The following PNLIPRP3 variants were observed in gnomAD, a reference collection of about 807,000 sequenced individuals.
PNLIPRP3 encodes pancreatic lipase related protein 3.
A neutral mutation model predicts 52.8 loss-of-function variants in PNLIPRP3; 58 were observed. The ratio of observed to expected loss-of-function variants is 1.10; its 90% CI spans 0.89 to 1.37. PNLIPRP3 has a LOEUF of 1.37. Among genes scored for constraint, PNLIPRP3 ranks in the 40% most tolerant of loss-of-function variants. The pLI is 0.00. For missense variants in PNLIPRP3, 593 were observed against 561.6 expected, an observed-to-expected ratio of 1.06 and a Z score of -0.57; for synonymous variants, 192 against 185.0, an observed-to-expected ratio of 1.04 and a Z score of -0.31.
intron 1 of PNLIPRP3, among the ~76,000 whole-genome samples, chr10:116,436,459 C>T (rs549784023): frequency 5.3e-5 from 8 of 152,164 alleles, no homozygotes; most frequent in African/African-American, 1.9e-4. Context: ...AATATGACAA[C>T]AAAAGCACAG....
At chr10:116,465,167 C>T (rs532928046) in intron 7 of PNLIPRP3, among the ~76,000 whole-genome samples, 1 of 152,286 alleles carries the variant, frequency 6.6e-6, no homozygotes, top group South Asian at 2.1e-4. Context: ...GTGGCTTAGT[C>T]TGGGCTTTTT....
In PNLIPRP3 at chr10:116,476,526, A is replaced by T; in HGVS notation, c.1173-126A>T. On this transcript the variant is annotated intron_variant, in intron 10 of 11. Coordinates refer to ENST00000369230, the MANE Select transcript of PNLIPRP3 (RefSeq NM_001011709.3). ...CTGATCAATACACATGGAAAGAATA[A>T]ATCTCCTACAAGCAAATGCTAGCAA... The T allele has an allele frequency of 4.3e-6, 3 of 692,748 alleles. No individual in the cohort carries two copies. In the East Asian group the frequency reaches 9.1e-5, roughly 21 times the overall value. The allele number at this position is 692,748 out of a possible 1,614,324, so 42.9% of individuals were successfully genotyped here. A position where few individuals can be genotyped will look rare whatever the true frequency, so the allele number is the denominator to read the frequency against.
chr10:116,471,794 C>T lies in PNLIPRP3; in HGVS notation c.1087C>T (p.Leu363Phe). ...ARWRHKLSVK[L>F]SGSEVTQGTV... is the part of the protein sequence containing the mutation. ...TTGGAGGCACAAATTGTCTGTTAAA[C>T]TCAGTGGAAGCGAAGTCACTCAAGG... The change falls in exon 10 of 12, where the codon CTC becomes TTC. Residue 363 changes from leucine (L) to phenylalanine (F), a missense_variant. By Grantham distance (22) the Leu-to-Phe change is conservative (BLOSUM62 0). Coordinates refer to ENST00000369230, the MANE Select transcript of PNLIPRP3 (RefSeq NM_001011709.3). The T allele has an allele frequency of 6.2e-7, 1 of 1,611,466 alleles. No homozygotes were observed. The highest frequency in any genetic ancestry group is 8.5e-7 in the Non-Finnish European group (1 of 1,178,102).
chr10:116,476,748 T>C lies in PNLIPRP3; in HGVS notation c.1269T>C (p.His423=), dbSNP rs778267393. The C allele has an allele frequency of 3.6e-5, 58 of 1,610,086 alleles. No individual in the cohort carries two copies. Among genetic ancestry groups the C allele is most frequent in the Middle Eastern group, 3.3e-4 (2 of 6,072 alleles). The change falls in exon 11 of 12, where the codon CAT becomes CAC. Residue 423 remains histidine, a synonymous_variant. Coordinates refer to ENST00000369230, the MANE Select transcript of PNLIPRP3 (RefSeq NM_001011709.3). ...GTGTTCAGTTCATCTGGAAAAAACA[T>C]TTGTTTGAAGATTCTCAGAATAAGT... The part of the protein sequence containing the change: ...ITSVQFIWKK[H]LFEDSQNKLG...
rs1845658722 is a variant in PNLIPRP3, at chr10:116,427,860, A to G, written c.-153A>G. On this transcript the variant is annotated 5_prime_UTR_variant, in exon 1 of 12. Coordinates refer to ENST00000369230, the MANE Select transcript of PNLIPRP3 (RefSeq NM_001011709.3). The stretch of plus-strand genomic sequence containing the variant: ...CCCGATAATTTTATTTACTTTGCAG[A>G]GCATAAGGTGGAATAACATGTTCTT... The G allele has an allele frequency of 4.9e-6, 3 of 611,340 alleles. No individual in the cohort carries two copies. In the South Asian group the frequency reaches 6.1e-5, roughly 13 times the overall value. 37.9% of individuals were successfully genotyped at this position (611,340 alleles called of 1,614,324 possible).
chr10:116,464,594 G>A (rs1289857406), intron 7 of PNLIPRP3, among the ~76,000 whole-genome samples: 6 of 152,188 alleles, frequency 3.9e-5, no homozygotes. Context: ...GCTGTGGCTG[G>A]ACCAGGCATA....
At chr10:116,452,661 G>C (rs903655361) in intron 4 of PNLIPRP3, among the ~76,000 whole-genome samples, 1 of 152,208 alleles carries the variant, frequency 6.6e-6, no homozygotes, top group Non-Finnish European at 1.5e-5. Flanking sequence ...TCAGCAACTA[G>C]GGCCCCAGAT....
intron 10 of PNLIPRP3, among the ~76,000 whole-genome samples, chr10:116,472,083 A>G (rs1256654489): frequency 6.6e-6 from 1 of 152,218 alleles, no homozygotes; most frequent in Non-Finnish European, 1.5e-5. Flanking sequence ...TTCCAACTAG[A>G]AACAGAAAAT....
At chr10:116,440,897 C>A (rs548142596) in intron 2 of PNLIPRP3, among the ~76,000 whole-genome samples, 8 of 152,212 alleles carry the variant, frequency 5.3e-5, no homozygotes, top group African/African-American at 1.7e-4. Context: ...GAGATGATAT[C>A]ACTGGAAATG....
intron 1 of PNLIPRP3, 152 bp downstream of exon 1, chr10:116,428,213 G>A (rs1384626635): frequency 3.4e-6 from 2 of 592,700 alleles, no homozygotes; most frequent in Non-Finnish European, 2.9e-6. Flanking sequence ...TAAAATATTG[G>A]CTGCTTATAT....
chr10:116,461,291 G>A lies in PNLIPRP3; in HGVS notation c.808+1G>A, dbSNP rs1304802195. 6.2e-7 allele frequency: 1 copy of A among 1,611,318 alleles called. No individual in the cohort carries two copies. Among genetic ancestry groups the A allele is most frequent in the Non-Finnish European group, 8.5e-7 (1 of 1,177,578 alleles). On this transcript the variant is annotated splice_donor_variant, in intron 7 of 11. Coordinates refer to ENST00000369230, the MANE Select transcript of PNLIPRP3 (RefSeq NM_001011709.3). LOFTEE classifies it high-confidence loss of function. Reference sequence around the variant, plus strand: ...TTTAACTTCAATGCTTACAAAAAAGGTAAATACTTTCTAAACTATGAATGC... The same window carrying A: ...TTTAACTTCAATGCTTACAAAAAAGATAAATACTTTCTAAACTATGAATGC...
intron 5 of PNLIPRP3, among the ~76,000 whole-genome samples, chr10:116,460,525 T>A (rs2133143585): frequency 6.6e-6 from 1 of 152,292 alleles, no homozygotes; most frequent in Admixed American, 6.5e-5. Flanking sequence ...AAAGTAGAAC[T>A]AAGTGAGCCA....
Position 116,476,690 on chromosome 10 carries a change from T to C in PNLIPRP3, c.1211T>C (p.Ile404Thr). ...LEPGMTYTKL[I>T]DADVNVGNIT... ...CCAGGCATGACTTACACAAAATTAA[T>C]CGATGCAGATGTTAACGTTGGAAAC... The change falls in exon 11 of 12, where the codon ATC (isoleucine) becomes ACC (threonine). Residue 404 changes from isoleucine to threonine, a missense_variant. Ile to Thr is a moderately conservative substitution (Grantham distance 89, BLOSUM62 -1). Coordinates refer to ENST00000369230, the MANE Select transcript of PNLIPRP3 (RefSeq NM_001011709.3). 1 of 1,587,158 alleles carries C rather than the reference T, an allele frequency of 6.3e-7. No individual in the cohort carries two copies. The highest frequency in any genetic ancestry group is 8.5e-7 in the Non-Finnish European group (1 of 1,171,516).
intron 4 of PNLIPRP3, among the ~76,000 whole-genome samples, chr10:116,448,114 G>A (rs557233367): frequency 4.6e-5 from 7 of 152,060 alleles, no homozygotes; most frequent in African/African-American, 1.7e-4. Flanking sequence ...TCTGGTAAAG[G>A]TAAACATATA....
rs922003739 is a variant in PNLIPRP3 at position 116,435,271 on chromosome 10, C to T, written c.50-1440C>T. Reference sequence around the variant, plus strand: ...ATTATCAATTTTGATAGTATGAAAACAACATTATGAAGCTGACAGACCTTG... The same window carrying T: ...ATTATCAATTTTGATAGTATGAAAATAACATTATGAAGCTGACAGACCTTG... On this transcript the variant is annotated intron_variant, in intron 1 of 11. Coordinates refer to ENST00000369230, the MANE Select transcript of PNLIPRP3 (RefSeq NM_001011709.3). Among the ~76,000 whole-genome samples, 9 of 151,936 alleles carry T rather than the reference C, an allele frequency of 5.9e-5. No individual in the cohort carries two copies. The East Asian group carries it at 1.8e-3, about 30-fold the overall frequency.
chr10:116,463,821 T>C (rs1233229397), intron 7 of PNLIPRP3, among the ~76,000 whole-genome samples: 1 of 152,104 alleles, frequency 6.6e-6, no homozygotes, highest in African/African-American at 2.4e-5. Context: ...TCAGTAAAAA[T>C]ATTGTTATGT....
rs1013130369 is a variant in PNLIPRP3 at position 116,471,890 on chromosome 10, T to G, written c.1172+11T>G. ...GTTTGCCATTGTCAGGTAGGCAGAG[T>G]GAGAAACTGACGCTTTGCACAGTGC... is the stretch of plus-strand genomic sequence containing the variant. On this transcript the variant is annotated intron_variant, in intron 10 of 11. Coordinates refer to ENST00000369230, the MANE Select transcript of PNLIPRP3 (RefSeq NM_001011709.3). 1.3e-6 allele frequency: 2 copies of G among 1,528,318 alleles called. No individual in the cohort carries two copies. Among genetic ancestry groups the G allele is most frequent in the Non-Finnish European group, 1.8e-6 (2 of 1,103,520 alleles). The allele number at this position is 1,528,318 out of a possible 1,614,324, so 94.7% of individuals were successfully genotyped here. A position where few individuals can be genotyped will look rare whatever the true frequency, so the allele number is the denominator to read the frequency against.
Position 116,471,869 on chromosome 10 carries a change from G to A in PNLIPRP3, c.1162G>A (p.Ala388Thr). 8.2e-6 allele frequency: 13 copies of A among 1,579,066 alleles called. No homozygotes were observed. Among genetic ancestry groups the A allele is most frequent in the Non-Finnish European group, 1.0e-5 (12 of 1,149,406 alleles). The part of the protein sequence containing the change: ...GGAVRKTGEF[A>T]IVSGKLEPGM... Reference sequence around the variant, plus strand: ...GGCAGTTAGGAAAACTGGGGAGTTTGCCATTGTCAGGTAGGCAGAGTGAGA... The same window carrying A: ...GGCAGTTAGGAAAACTGGGGAGTTTACCATTGTCAGGTAGGCAGAGTGAGA... Residue 388 changes from alanine to threonine, a missense_variant, in exon 10 of 12, where the codon GCC (alanine) becomes ACC (threonine). Transcript: ENST00000369230.
intron 2 of PNLIPRP3, chr10:116,439,790 T>G (rs1172136321): frequency 5.2e-6 from 4 of 773,964 alleles, no homozygotes; most frequent in African/African-American, 3.4e-5. Flanking sequence ...GGATCCTTCT[T>G]CTTGCCTCCC....
Sources: allele counts gnomAD v4.1 joint callset (sites outside exome capture counted in the v4.1 genomes callset), GRCh38; gene constraint gnomAD v4.1.1; transcripts MANE v1.5; gene names NCBI Gene and HGNC (gene_info 2026-07-23, HGNC 2026-07-21).